GRIA3: variants seen among roughly 807,000 people sequenced by gnomAD.
GRIA3 encodes glutamate receptor 3.
GRIA3 carries 3 observed loss-of-function variants against 63.0 expected under a neutral mutation model. The ratio of observed to expected loss-of-function variants is 0.05; its 90% CI spans 0.02 to 0.12. GRIA3 has a LOEUF of 0.12. GRIA3 is among the 10% of genes least tolerant of loss of function. The pLI is 1.00. For synonymous variants in GRIA3, 274 were observed against 257.9 expected (o/e 1.06, Z -0.60); for missense variants, 347 against 700.9 (o/e 0.50, Z 5.70).
intron 4 of GRIA3, among the ~76,000 whole-genome samples, chrX:123,330,127 G>A (rs911626262): frequency 8.9e-6 from 1 of 111,840 alleles, no homozygotes; most frequent in African/African-American, 3.3e-5. Context: ...GTTAATATAT[G>A]CAAACCATTT....
At chrX:123,381,863 A>G (rs2045326655) in intron 5 of GRIA3, among the ~76,000 whole-genome samples, 1 of 112,149 alleles carries the variant, frequency 8.9e-6, no homozygotes, top group Non-Finnish European at 1.9e-5. Flanking sequence ...AATTTTCCTT[A>G]TATCCACCTG....
At chrX:123,191,407 C>A (rs1927430894) in intron 2 of GRIA3, among the ~76,000 whole-genome samples, 2 of 111,737 alleles carry the variant, frequency 1.8e-5, no homozygotes. Context: ...TGCTCAGAAA[C>A]TGTCTGGGCT....
intron 3 of GRIA3, among the ~76,000 whole-genome samples, chrX:123,274,424 A>G (rs1335596603): frequency 8.9e-6 from 1 of 112,028 alleles, no homozygotes; most frequent in African/African-American, 3.2e-5. Flanking sequence ...GAAAGCAGAC[A>G]TGGGAAAGAG....
At chrX:123,456,409 T>C (rs921911635) in intron 12 of GRIA3, among the ~76,000 whole-genome samples, 15 of 111,589 alleles carry the variant, frequency 1.3e-4, no homozygotes, top group Non-Finnish European at 1.5e-4. Context: ...ATTTGAAAAG[T>C]TGTATGGCAG....
chrX:123,264,030 T>C (rs1039729435), intron 3 of GRIA3, among the ~76,000 whole-genome samples: 1 of 112,128 alleles, frequency 8.9e-6, no homozygotes, highest in African/African-American at 3.2e-5. Flanking sequence ...GACAGACCCA[T>C]AGTGAGCTAT....
At chrX:123,410,243 T>C (rs1603140048) in intron 10 of GRIA3, among the ~76,000 whole-genome samples, 1 of 111,053 alleles carries the variant, frequency 9.0e-6, no homozygotes, top group East Asian at 2.8e-4. Flanking sequence ...TAAAAGGAAA[T>C]TGAGGCCCCA....
chrX:123,385,162 A>G (rs2045347577), intron 5 of GRIA3, among the ~76,000 whole-genome samples: 1 of 111,163 alleles, frequency 9.0e-6, no homozygotes, highest in African/African-American at 3.3e-5. Flanking sequence ...ATCCATCTTG[A>G]GTTGATTTTT....
intron 5 of GRIA3, among the ~76,000 whole-genome samples, chrX:123,357,135 T>C (rs1003625582): frequency 1.8e-5 from 2 of 111,256 alleles, no homozygotes; most frequent in Non-Finnish European, 3.8e-5. Flanking sequence ...AGAGGAGTCC[T>C]ATGCTTCTTC....
At position 123,260,418 on chromosome X, in the gene GRIA3, C is replaced by CAGAAAGAA. The variant is rs1569409575; in HGVS notation, c.508+6879_508+6880insAAGAAAGA. On this transcript the variant is annotated intron_variant, in intron 3 of 15. Coordinates refer to ENST00000620443, the MANE Select transcript of GRIA3 (RefSeq NM_007325.5). ...AAAGAAAGAAAGACAGACAGACAGA[C>CAGAAAGAA]AGACAGACAGAAAGAAAGAAAGAAA... is the stretch of plus-strand genomic sequence containing the variant. 5.6e-4 allele frequency among the ~76,000 whole-genome samples: 3 copies of CAGAAAGAA among 5,359 alleles called. 1 individual carries two copies. Among genetic ancestry groups the CAGAAAGAA allele is most frequent in the Admixed American group, 4.5e-3 (2 of 445 alleles). 4.7% of individuals were successfully genotyped at this position (5,359 alleles called of 115,157 possible). A position where few individuals can be genotyped will look rare whatever the true frequency, so the allele number is the denominator to read the frequency against.
rs376767287 is a variant in GRIA3, at chrX:123,456,737, T to C, written c.2077-8128T>C. Among the ~76,000 whole-genome samples the C allele has an allele frequency of 8.9e-5, 10 of 111,853 alleles. 1 individual carries two copies. The highest frequency in any genetic ancestry group is 2.9e-4 in the African/African-American group (9 of 30,771). ...CTGTGGCATCATTGGCCTTCTTTCC[T>C]TCTAGCACCTTGCCTTGTAAGGATC... On this transcript the variant is annotated intron_variant, in intron 12 of 15. Coordinates refer to ENST00000620443, the MANE Select transcript of GRIA3 (RefSeq NM_007325.5).
intron 2 of GRIA3, among the ~76,000 whole-genome samples, chrX:123,198,833 C>T (rs1298838757): frequency 9.0e-6 from 1 of 111,530 alleles, no homozygotes; most frequent in East Asian, 2.8e-4. Context: ...TTAGCACTTG[C>T]TGGCTCAAAG....
intron 12 of GRIA3, among the ~76,000 whole-genome samples, chrX:123,462,100 T>C (rs900791548): frequency 9.0e-6 from 1 of 111,605 alleles, no homozygotes; most frequent in Non-Finnish European, 1.9e-5. Flanking sequence ...CTTTTCTTTC[T>C]ACCTCCATTG....
At chrX:123,195,111 A>C (rs891068068) in intron 2 of GRIA3, among the ~76,000 whole-genome samples, 2 of 113,339 alleles carry the variant, frequency 1.8e-5, no homozygotes, top group African/African-American at 6.4e-5. Context: ...GGCAAATGCC[A>C]ACTCACTTAT....
rs1489604834 is a variant in GRIA3, at chrX:123,261,935, C to A, written c.508+8393C>A. On this transcript the variant is annotated intron_variant, in intron 3 of 15. Coordinates refer to ENST00000620443, the MANE Select transcript of GRIA3 (RefSeq NM_007325.5). ...GCTCTGACCTTCTATTGCTTTTTAT[C>A]AAGCTCCTTGAGGGAATTAACCCTC... Among the ~76,000 whole-genome samples the A allele has an allele frequency of 2.7e-5, 3 of 112,032 alleles. No individual in the cohort carries two copies. The East Asian group carries it at 8.5e-4, about 32-fold the overall frequency.
chrX:123,214,114 G>C (rs1477253136), intron 2 of GRIA3, among the ~76,000 whole-genome samples: 3 of 112,533 alleles, frequency 2.7e-5, no homozygotes, highest in Non-Finnish European at 5.6e-5. Context: ...GCACAGTAAA[G>C]TGTGAGAATC....
intron 2 of GRIA3, among the ~76,000 whole-genome samples, chrX:123,197,320 T>A (rs1927600086): frequency 9.0e-6 from 1 of 111,187 alleles, no homozygotes; most frequent in Admixed American, 9.5e-5. Context: ...AGGTCAGGAG[T>A]TCGAGATCAG....
At chrX:123,427,457 G>C (rs1210349424) in intron 11 of GRIA3, among the ~76,000 whole-genome samples, 1 of 111,607 alleles carries the variant, frequency 9.0e-6, no homozygotes, top group African/African-American at 3.3e-5. Context: ...TTCTACAGGT[G>C]TGCCCAGCAA....
At chrX:123,189,920 C>T (rs1377633573) in intron 2 of GRIA3, among the ~76,000 whole-genome samples, 3 of 111,375 alleles carry the variant, frequency 2.7e-5, no homozygotes, top group Admixed American at 9.5e-5. Flanking sequence ...TACAACTAAG[C>T]GCATTTCACT....
intron 2 of GRIA3, among the ~76,000 whole-genome samples, chrX:123,187,298 T>A (rs888728530): frequency 8.9e-6 from 1 of 112,283 alleles, no homozygotes; most frequent in Non-Finnish European, 1.9e-5. Flanking sequence ...GCAAGAAATA[T>A]GACAGTTGTC....
Sources: gnomAD v4.1 joint callset for allele counts (sites outside exome capture counted in the v4.1 genomes callset) on GRCh38, gnomAD v4.1.1 for gene constraint, MANE v1.5 for transcripts, NCBI Gene and HGNC (gene_info 2026-07-23, HGNC 2026-07-21) for gene names.